GRM7: variants seen among roughly 807,000 people sequenced by gnomAD.
The protein encoded by GRM7 is glutamate metabotropic receptor 7.
Under a neutral mutation model 84.5 loss-of-function variants are expected in GRM7, and 35 were observed. The observed-to-expected ratio is 0.41, with a 90% CI of 0.32 to 0.55. The LOEUF is 0.55. Ranked by LOEUF, GRM7 falls within the 20% of genes least tolerant of loss-of-function variation. The pLI, the probability that GRM7 is intolerant of heterozygous loss-of-function variation, is 0.19. For missense variants in GRM7, 1,003 were observed against 1,194.6 expected (o/e 0.84, Z 2.36); for synonymous variants, 487 against 455.1 (o/e 1.07, Z -0.89).
intron 2 of GRM7, among the ~76,000 whole-genome samples, chr3:7,160,494 T>A (rs1338048907): frequency 6.6e-6 from 1 of 152,156 alleles, no homozygotes; most frequent in Non-Finnish European, 1.5e-5. Flanking sequence ...CAGTGCTCTC[T>A]CTCTGGTCCT....
intron 1 of GRM7, among the ~76,000 whole-genome samples, chr3:6,945,068 T>G (rs891616688): frequency 2.0e-5 from 3 of 152,152 alleles, no homozygotes; most frequent in African/African-American, 4.8e-5. Context: ...TTTTTTTATT[T>G]TTTTAAATTA....
intron 8 of GRM7, among the ~76,000 whole-genome samples, chr3:7,677,262 TA>T (rs557488794): frequency 0.045 from 1,653 of 36,904 alleles, 9 homozygotes; most frequent in South Asian, 0.078. Context: ...ACTCTGTCTT[TA>T]AAAAAAAAAA....
chr3:7,326,476 G>T (rs1262739825), intron 4 of GRM7, among the ~76,000 whole-genome samples: 1 of 152,126 alleles, frequency 6.6e-6, no homozygotes, highest in Non-Finnish European at 1.5e-5. Flanking sequence ...CATATCATTA[G>T]TTAATGGGGT....
chr3:7,134,663 C>A (rs1693715892), intron 1 of GRM7, among the ~76,000 whole-genome samples: 1 of 152,094 alleles, frequency 6.6e-6, no homozygotes, highest in Non-Finnish European at 1.5e-5. Flanking sequence ...GAAGTACAGC[C>A]ATGTCTCCCT....
At chr3:7,176,347 G>A (rs568901264) in intron 2 of GRM7, among the ~76,000 whole-genome samples, 4 of 150,782 alleles carry the variant, frequency 2.7e-5, no homozygotes, top group South Asian at 2.1e-4. Context: ...CCAGGAGGTC[G>A]GTGCTGCAGT....
intron 2 of GRM7, among the ~76,000 whole-genome samples, chr3:7,210,992 A>G (rs1575036011): frequency 1.3e-5 from 2 of 152,328 alleles, no homozygotes; most frequent in East Asian, 3.9e-4. Context: ...AGGAAGTAAT[A>G]TTATCCACCA....
intron 7 of GRM7, among the ~76,000 whole-genome samples, chr3:7,490,110 A>T (rs998438532): frequency 1.3e-5 from 2 of 152,134 alleles, no homozygotes; most frequent in African/African-American, 4.8e-5. Context: ...TTTAAAATCC[A>T]AGTTTACATA....
chr3:7,728,126 C>A (rs995699759), intron 9 of GRM7, among the ~76,000 whole-genome samples: 7 of 152,164 alleles, frequency 4.6e-5, no homozygotes, highest in Non-Finnish European at 8.8e-5. Context: ...CACACGTACC[C>A]TTCTCACATT....
intron 7 of GRM7, among the ~76,000 whole-genome samples, chr3:7,512,110 C>G (rs990901884): frequency 7.9e-5 from 12 of 152,068 alleles, no homozygotes; most frequent in African/African-American, 2.4e-4. Flanking sequence ...GATTGCACCA[C>G]TGCACTCCAG....
chr3:6,970,639 A>G (rs1020828712), intron 1 of GRM7, among the ~76,000 whole-genome samples: 1 of 152,136 alleles, frequency 6.6e-6, no homozygotes, highest in Non-Finnish European at 1.5e-5. Flanking sequence ...TGACTGTATG[A>G]GAGGGAAAAC....
intron 1 of GRM7, among the ~76,000 whole-genome samples, chr3:7,047,670 A>C (rs1263828463): frequency 1.3e-5 from 2 of 152,060 alleles, no homozygotes; most frequent in Non-Finnish European, 2.9e-5. Flanking sequence ...GCATTGAGGA[A>C]TGTTCCAGTG....
chr3:6,899,851 G>A (rs1329957797), intron 1 of GRM7, among the ~76,000 whole-genome samples: 2 of 152,160 alleles, frequency 1.3e-5, no homozygotes, highest in Non-Finnish European at 2.9e-5. Flanking sequence ...CATCTGAAAA[G>A]TTAAGGGGCT....
chr3:7,040,471 T>A (rs550067309), intron 1 of GRM7, among the ~76,000 whole-genome samples: 1 of 151,840 alleles, frequency 6.6e-6, no homozygotes, highest in Non-Finnish European at 1.5e-5. Flanking sequence ...CCCAGCTAAT[T>A]TTTTTGTATT....
At chr3:7,566,121 T>G (rs202188122) in intron 7 of GRM7, among the ~76,000 whole-genome samples, 301 of 146,674 alleles carry the variant, frequency 2.1e-3, no homozygotes, top group African/African-American at 7.2e-3. Context: ...TTTTTTTTTT[T>G]TTTTTTTTTT....
chr3:7,125,945 C>T (rs907305220), intron 1 of GRM7, among the ~76,000 whole-genome samples: 4 of 152,092 alleles, frequency 2.6e-5, no homozygotes, highest in Non-Finnish European at 5.9e-5. Flanking sequence ...GGGATTTATC[C>T]GTGAAAATTG....
chr3:7,309,418 G>T (rs979447094), intron 4 of GRM7, among the ~76,000 whole-genome samples: 3 of 151,952 alleles, frequency 2.0e-5, no homozygotes, highest in Non-Finnish European at 4.4e-5. Context: ...TCTTTTTCCT[G>T]TTTTGCAGAT....
At chr3:7,000,247 C>T (rs1380744877) in intron 1 of GRM7, among the ~76,000 whole-genome samples, 1 of 147,782 alleles carries the variant, frequency 6.8e-6, no homozygotes, top group Non-Finnish European at 1.5e-5. Flanking sequence ...TCTTGGCTCA[C>T]TGCAACTTCT....
intron 2 of GRM7, among the ~76,000 whole-genome samples, chr3:7,203,301 T>C (rs1696127740): frequency 6.6e-6 from 1 of 152,164 alleles, no homozygotes; most frequent in Non-Finnish European, 1.5e-5. Context: ...TGCGTGAGAA[T>C]ATGTAGCATT....
At chr3:7,566,899 G>T (rs1308431667) in intron 7 of GRM7, among the ~76,000 whole-genome samples, 5 of 152,156 alleles carry the variant, frequency 3.3e-5, no homozygotes, top group African/African-American at 1.2e-4. Flanking sequence ...TACTTTTGTG[G>T]CCAACTATTC....
Sources: allele counts gnomAD v4.1 joint callset (sites outside exome capture counted in the v4.1 genomes callset), GRCh38; gene constraint gnomAD v4.1.1; transcripts MANE v1.5; gene names NCBI Gene and HGNC (gene_info 2026-07-23, HGNC 2026-07-21).